Variants in MRNIP observed in about 807,000 individuals in gnomAD.
MRNIP encodes the protein MRN complex-interacting protein.
In MRNIP, 30 loss-of-function variants were observed where a neutral mutation model predicts 29.8. The ratio of observed to expected loss-of-function variants is 1.01; its 90% CI spans 0.75 to 1.36. The LOEUF is 1.36. MRNIP is among the 40% of genes most tolerant of loss of function. The pLI, the probability that MRNIP is intolerant of heterozygous loss-of-function variation, is 0.00. For missense variants in MRNIP, 459 were observed against 423.5 expected (o/e 1.08, Z -0.74); for synonymous variants, 201 against 164.1 (o/e 1.23, Z -1.72).
intron 1 of MRNIP, among the ~76,000 whole-genome samples, chr5:179,857,453 T>A (rs1337234605): frequency 6.6e-6 from 1 of 151,844 alleles, no homozygotes; most frequent in Non-Finnish European, 1.5e-5. Context: ...GAGTGAGACG[T>A]GAGACTCTGT....
intron 3 of MRNIP, 89 bp downstream of exon 3, chr5:179,847,889 C>A: frequency 1.1e-6 from 1 of 906,730 alleles, no homozygotes; most frequent in Non-Finnish European, 1.7e-6. Flanking sequence ...CAGCAGAGTG[C>A]CCAGCTCAGG....
rs964089195 is a variant in MRNIP, at chr5:179,843,582, G to GA, written c.291+569dup. On this transcript the variant is annotated intron_variant, in intron 4 of 6. Transcript: ENST00000292586. ...AGGGAGACCCTGCCTCTACAAAAAA[G>GA]AAAAAAAATTAGCTGGGCGTGGTAG... is the stretch of plus-strand genomic sequence containing the variant. 5.3e-5 allele frequency among the ~76,000 whole-genome samples: 8 copies of GA among 151,618 alleles called. No homozygotes were observed. The South Asian group carries it at 1.0e-3, about 20-fold the overall frequency.
chr5:179,851,365 CT>C (rs1561621733), intron 2 of MRNIP: 2 of 455,920 alleles, frequency 4.4e-6, no homozygotes, highest in Non-Finnish European at 8.8e-6. Flanking sequence ...AGACTCAGCT[CT>C]TCCAGTTGGC....
intron 1 of MRNIP, among the ~76,000 whole-genome samples, chr5:179,855,390 C>T (rs1759532524): frequency 6.6e-6 from 1 of 152,114 alleles, no homozygotes; most frequent in African/African-American, 2.4e-5. Context: ...GTGACCCACC[C>T]AAAGTGCTGG....
rs1275809324 is a variant in MRNIP, at chr5:179,837,418, A to G, written c.1005T>C (p.Thr335=). Residue 335 remains threonine (T), a synonymous_variant, in exon 7 of 7, where the codon ACT becomes ACC. Transcript: ENST00000292586. ...RPTRLCDLFI[T]GEDFDDDV The stretch of plus-strand genomic sequence containing the variant: ...ACACATCATCATCGAAGTCTTCCCC[A>G]GTTATAAAGAGGTCACATAGTCGTG... The G allele has an allele frequency of 2.5e-6, 4 of 1,596,612 alleles. No individual in the cohort carries two copies. The African/African-American group carries it at 4.0e-5, about 16-fold the overall frequency.
intron 2 of MRNIP, 115 bp downstream of exon 2, chr5:179,853,263 G>A (rs182824285): frequency 2.3e-5 from 37 of 1,589,340 alleles, no homozygotes; most frequent in African/African-American, 1.7e-4. Flanking sequence ...CAGGAGCTCC[G>A]TGTCTGGGGA....
intron 4 of MRNIP, among the ~76,000 whole-genome samples, chr5:179,843,598 G>A (rs1175078182): frequency 6.6e-6 from 1 of 152,052 alleles, no homozygotes; most frequent in Non-Finnish European, 1.5e-5. Flanking sequence ...AAATTAGCTG[G>A]GCGTGGTAGG....
intron 6 of MRNIP, chr5:179,840,098 C>T (rs1758815947): frequency 6.6e-6 from 1 of 152,254 alleles, no homozygotes; most frequent in East Asian, 1.9e-4. Context: ...GCGTGCACAA[C>T]CACGCCCAGC....
chr5:179,851,846 T>C (rs961756099), intron 2 of MRNIP, among the ~76,000 whole-genome samples: 4 of 151,752 alleles, frequency 2.6e-5, no homozygotes, highest in East Asian at 1.9e-4. Context: ...GGCGTGGTGG[T>C]GGGAGCCTGT....
At position 179,842,083 on chromosome 5, in the gene MRNIP, A is replaced by G; in HGVS notation, c.292-19T>C. ...ATTTTTCCTGCCAGATTGAGAAAAAAGTTGATTCTCAGTACTGGAAACCAG... is the reference window on the plus strand; with the variant it reads ...ATTTTTCCTGCCAGATTGAGAAAAAGGTTGATTCTCAGTACTGGAAACCAG... On this transcript the variant is annotated intron_variant, in intron 4 of 6. Transcript: ENST00000292586. 6.2e-7 allele frequency: 1 copy of G among 1,612,702 alleles called. No individual in the cohort carries two copies. The highest frequency in any genetic ancestry group is 8.5e-7 in the Non-Finnish European group (1 of 1,179,570).
At chr5:179,853,296 C>T (rs1759447115) in intron 2 of MRNIP, 82 bp downstream of exon 2, 1 of 1,605,550 alleles carries the variant, frequency 6.2e-7, no homozygotes, top group Non-Finnish European at 8.5e-7. Context: ...AGAGGATGAT[C>T]CCAGCTGTGG....
intron 4 of MRNIP, 149 bp downstream of exon 4, chr5:179,844,003 T>C (rs1467444453): frequency 1.2e-5 from 8 of 666,776 alleles, no homozygotes; most frequent in Non-Finnish European, 2.1e-5. Flanking sequence ...ACAGGTTTAT[T>C]TATTTTTGTG....
intron 1 of MRNIP, among the ~76,000 whole-genome samples, chr5:179,854,720 A>G (rs2113573705): frequency 6.6e-6 from 1 of 152,334 alleles, no homozygotes; most frequent in Non-Finnish European, 1.5e-5. Flanking sequence ...AAACAAAACA[A>G]AAACACTCCG....
In MRNIP at chr5:179,840,899, GCCAC is replaced by G. The variant is rs1452364456; in HGVS notation, c.506_509del (p.Gly169AlafsTer15). ...TCTGGGGTCCCCAGGCGACCTCAGAGCCACCCGAGTCCTGCACGCCACGGCTGCA... is the reference window on the plus strand; with the variant it reads ...TCTGGGGTCCCCAGGCGACCTCAGAGCCGAGTCCTGCACGCCACGGCTGCA... On this transcript the variant is annotated frameshift_variant, in exon 6 of 7. Transcript: ENST00000292586. LOFTEE classifies it low-confidence loss of function (END_TRUNC). 1 of 1,611,990 alleles carries G rather than the reference GCCAC, an allele frequency of 6.2e-7. No homozygotes were observed. Among genetic ancestry groups the G allele is most frequent in the South Asian group, 1.1e-5 (1 of 90,504 alleles).
At chr5:179,856,588 G>A (rs1232249132) in intron 1 of MRNIP, among the ~76,000 whole-genome samples, 1 of 152,180 alleles carries the variant, frequency 6.6e-6, no homozygotes, top group Non-Finnish European at 1.5e-5. Context: ...TCCTGCCTCA[G>A]CGACCCTGAG....
At chr5:179,855,972 G>T (rs1561624446) in intron 1 of MRNIP, among the ~76,000 whole-genome samples, 1 of 146,158 alleles carries the variant, frequency 6.8e-6, no homozygotes. Context: ...ACTGTGGCGT[G>T]ATCTCGGCTC....
chr5:179,841,580 T>G (rs1444243680), intron 5 of MRNIP: 1 of 282,014 alleles, frequency 3.5e-6, no homozygotes, highest in East Asian at 7.1e-5. Flanking sequence ...GGCCTCTGCT[T>G]CTCTGAGCTA....
rs199537217 is a variant in MRNIP at position 179,858,781 on chromosome 5, G to A, written c.16C>T (p.Arg6Cys). 206 of 1,540,862 alleles carry A rather than the reference G, an allele frequency of 1.3e-4. 1 individual carries two copies. In the African/African-American group the frequency reaches 2.5e-3, roughly 18 times the overall value. Residue 6 changes from arginine to cysteine, a missense_variant, in exon 1 of 7, where the codon CGT becomes TGT. Physicochemically the swap from Arg to Cys is radical, Grantham distance 180. Transcript: ENST00000292586. MASLQ[R>C]SRVLRCCSCR... ...CTGCAGCAGCGTAGCACCCGAGAAC[G>A]CTGAAGCGACGCCATCCCTGCTTGT... is the stretch of plus-strand genomic sequence containing the variant.
At chr5:179,853,146 A>C in intron 2 of MRNIP, 1 of 1,285,162 alleles carries the variant, frequency 7.8e-7, no homozygotes, top group East Asian at 2.7e-5. Context: ...TGCTTGGCAC[A>C]CAGAAAGTAC....
Sources: gnomAD v4.1 joint callset for allele counts (sites outside exome capture counted in the v4.1 genomes callset) on GRCh38, gnomAD v4.1.1 for gene constraint, MANE v1.5 for transcripts, NCBI Gene and HGNC (gene_info 2026-07-23, HGNC 2026-07-21) for gene names.